The following SLC9A9 variants were observed in gnomAD, a reference collection of about 807,000 sequenced individuals.
SLC9A9 encodes sodium/hydrogen exchanger 9.
In SLC9A9, 62 loss-of-function variants were observed where a neutral mutation model predicts 77.8. The observed-to-expected ratio is 0.80, with a 90% confidence interval of 0.65 to 0.98. The LOEUF (loss-of-function observed/expected upper bound fraction) is 0.98, where lower values mean the gene tolerates loss of function less well. Ranked by LOEUF, SLC9A9 falls within the 50% of genes least tolerant of loss-of-function variation. The probability of loss-of-function intolerance (pLI) is 0.00; values close to 1 mark genes in which losing one functional copy is unlikely to be tolerated. For synonymous variants in SLC9A9, 320 were observed against 283.5 expected (o/e 1.13, Z -1.29); for missense variants, 775 against 774.9 (o/e 1.00, Z 0.00).
intron 6 of SLC9A9, among the ~76,000 whole-genome samples, chr3:143,597,301 G>GCTCAA (rs1559986018): frequency 1.3e-5 from 2 of 152,168 alleles, no homozygotes; most frequent in Non-Finnish European, 2.9e-5. Context: ...GCTCGGCTCG[G>GCTCAA]CTCAACACGG....
At chr3:143,292,348 A>G (rs1578267625) in intron 14 of SLC9A9, among the ~76,000 whole-genome samples, 2 of 152,336 alleles carry the variant, frequency 1.3e-5, no homozygotes, top group Non-Finnish European at 1.5e-5. Flanking sequence ...GGATTTCTGA[A>G]CTACAGATAA....
At chr3:143,775,081 A>G (rs2007647196) in intron 4 of SLC9A9, among the ~76,000 whole-genome samples, 1 of 152,220 alleles carries the variant, frequency 6.6e-6, no homozygotes, top group Admixed American at 6.5e-5. Flanking sequence ...TGCTGAGATC[A>G]GTTAGATTAG....
chr3:143,671,039 C>T (rs1348237044), intron 5 of SLC9A9, among the ~76,000 whole-genome samples: 2 of 152,132 alleles, frequency 1.3e-5, no homozygotes, highest in Non-Finnish European at 2.9e-5. Flanking sequence ...CACTTACGAG[C>T]CTTGTAAATG....
intron 6 of SLC9A9, among the ~76,000 whole-genome samples, chr3:143,617,658 G>C (rs1419387235): frequency 6.6e-6 from 1 of 152,192 alleles, no homozygotes; most frequent in South Asian, 2.1e-4. Flanking sequence ...GCAAGAATTA[G>C]AGCTAAAAAG....
intron 5 of SLC9A9, among the ~76,000 whole-genome samples, chr3:143,683,231 A>T (rs1933158900): frequency 6.6e-6 from 1 of 152,158 alleles, no homozygotes; most frequent in Non-Finnish European, 1.5e-5. Context: ...AATATGATGC[A>T]ACGTGATCGA....
chr3:143,381,653 T>C (rs1245683307), intron 13 of SLC9A9, among the ~76,000 whole-genome samples: 2 of 152,212 alleles, frequency 1.3e-5, no homozygotes, highest in Non-Finnish European at 2.9e-5. Context: ...TTAGACCTGA[T>C]AAATGAGAAG....
At chr3:143,769,629 T>C (rs5025389) in intron 4 of SLC9A9, among the ~76,000 whole-genome samples, 71,435 of 152,000 alleles carry the variant, frequency 0.47, 18,847 homozygotes, top group African/African-American at 0.72. Context: ...TGTAATTCCA[T>C]GTGAGCTAAA....
rs1408671483 is a variant in SLC9A9, at chr3:143,832,003, C to G, written c.378+16G>C. 1.2e-6 allele frequency: 2 copies of G among 1,602,588 alleles called. No homozygotes were observed. The highest frequency in any genetic ancestry group is 1.7e-6 in the Non-Finnish European group (2 of 1,171,876). On this transcript the variant is annotated intron_variant, in intron 2 of 15. Transcript: ENST00000316549. ...ATACTGTAAAACAAATATATAATAC[C>G]AGACAGGATCCTTACCTTTTCAAGT...
At chr3:143,579,742 C>A (rs1172593947) in intron 6 of SLC9A9, among the ~76,000 whole-genome samples, 1 of 152,102 alleles carries the variant, frequency 6.6e-6, no homozygotes, top group Non-Finnish European at 1.5e-5. Context: ...GACACATTGA[C>A]TGAGATTAGA....
chr3:143,781,765 G>A (rs1045119071), intron 4 of SLC9A9, among the ~76,000 whole-genome samples: 6 of 152,210 alleles, frequency 3.9e-5, no homozygotes, highest in African/African-American at 1.2e-4. Flanking sequence ...TTAACGCAAT[G>A]AGGTCATCAT....
At chr3:143,605,064 C>T (rs950003555) in intron 6 of SLC9A9, among the ~76,000 whole-genome samples, 8 of 152,110 alleles carry the variant, frequency 5.3e-5, no homozygotes, top group South Asian at 2.1e-4. Flanking sequence ...CCACATGGAG[C>T]GCATTATGTT....
intron 4 of SLC9A9, among the ~76,000 whole-genome samples, chr3:143,712,360 A>G (rs1247964213): frequency 1.3e-5 from 2 of 152,240 alleles, no homozygotes; most frequent in African/African-American, 4.8e-5. Flanking sequence ...TGAGGTTCAG[A>G]GGAAGAGGAA....
intron 4 of SLC9A9, among the ~76,000 whole-genome samples, chr3:143,774,905 C>T (rs2007642024): frequency 6.6e-6 from 1 of 152,154 alleles, no homozygotes; most frequent in East Asian, 1.9e-4. Flanking sequence ...CGTTCATTTT[C>T]TCCTCAGCTT....
In SLC9A9 at chr3:143,585,589, C is replaced by T. The variant is rs534752639; in HGVS notation, c.756-6866G>A. The stretch of plus-strand genomic sequence containing the variant: ...ATTAGGACTTCCTGAGATTGTGTCA[C>T]GGTTGTGTCCTTAACCTGGTCAAAG... On this transcript the variant is annotated intron_variant, in intron 6 of 15. Coordinates refer to ENST00000316549, the MANE Select transcript of SLC9A9 (RefSeq NM_173653.4). 4.1e-4 allele frequency among the ~76,000 whole-genome samples: 63 copies of T among 152,312 alleles called. 1 individual carries two copies. In the South Asian group the frequency reaches 8.3e-3, roughly 20 times the overall value.
intron 11 of SLC9A9, among the ~76,000 whole-genome samples, chr3:143,484,327 T>G (rs1381607223): frequency 6.6e-6 from 1 of 152,240 alleles, no homozygotes; most frequent in Non-Finnish European, 1.5e-5. Context: ...GTTTGATCTA[T>G]TTTGTTAACC....
intron 8 of SLC9A9, among the ~76,000 whole-genome samples, chr3:143,557,138 G>A (rs2036998951): frequency 6.6e-6 from 1 of 152,130 alleles, no homozygotes. Flanking sequence ...TCATGATAGT[G>A]AGTGAGTTCT....
rs2037578243 is a variant in SLC9A9, at chr3:143,588,152, A to G, written c.756-9429T>C. Among the ~76,000 whole-genome samples, 6 of 152,248 alleles carry G rather than the reference A, an allele frequency of 3.9e-5. No individual in the cohort carries two copies. The South Asian group carries it at 1.2e-3, about 31-fold the overall frequency. On this transcript the variant is annotated intron_variant, in intron 6 of 15. Transcript: ENST00000316549. ...CTCTGTAGTTGGAGATGCTTTAAAC[A>G]TAGAATAAAAGAGTTACTTGCCAGG...
At chr3:143,595,581 T>C (rs2037739320) in intron 6 of SLC9A9, among the ~76,000 whole-genome samples, 2 of 152,156 alleles carry the variant, frequency 1.3e-5, no homozygotes, top group African/African-American at 4.8e-5. Flanking sequence ...TCAGATACAA[T>C]GCTATGAAAA....
intron 6 of SLC9A9, among the ~76,000 whole-genome samples, chr3:143,621,365 C>T (rs1010380054): frequency 8.5e-5 from 13 of 152,202 alleles, no homozygotes; most frequent in Admixed American, 7.9e-4. Flanking sequence ...AGGCACCCCC[C>T]AGTAGGGGCA....
Sources: gnomAD v4.1 joint callset for allele counts (sites outside exome capture counted in the v4.1 genomes callset) on GRCh38, gnomAD v4.1.1 for gene constraint, MANE v1.5 for transcripts, NCBI Gene and HGNC (gene_info 2026-07-23, HGNC 2026-07-21) for gene names.